PSMD14: variants seen among roughly 807,000 people sequenced by gnomAD.
The protein encoded by PSMD14 is ubiquitin C-terminal hydrolase PSMD14.
A neutral mutation model predicts 41.2 loss-of-function variants in PSMD14; 7 were observed. The ratio of observed to expected loss-of-function variants is 0.17; its 90% CI spans 0.10 to 0.32. The LOEUF (loss-of-function observed/expected upper bound fraction) is 0.32. Ranked by LOEUF, PSMD14 falls within the 10% of genes least tolerant of loss-of-function variation. The pLI is 1.00. For synonymous variants in PSMD14, 114 were observed against 122.3 expected, an observed-to-expected ratio of 0.93 and a Z score of 0.45; for missense variants, 139 against 375.6, an observed-to-expected ratio of 0.37 and a Z score of 5.21.
intron 3 of PSMD14, among the ~76,000 whole-genome samples, chr2:161,352,384 T>A (rs542086506): frequency 1.3e-5 from 2 of 152,336 alleles, no homozygotes; most frequent in South Asian, 4.1e-4. Context: ...CATTCATTGC[T>A]TATTTACTTT....
intron 10 of PSMD14, among the ~76,000 whole-genome samples, chr2:161,399,169 A>G (rs1207234076): frequency 6.6e-6 from 1 of 152,134 alleles, no homozygotes; most frequent in Non-Finnish European, 1.5e-5. Context: ...TTTGTAAATA[A>G]ATTGGGACAT....
At chr2:161,364,702 A>T (rs1683335694) in intron 3 of PSMD14, among the ~76,000 whole-genome samples, 1 of 152,124 alleles carries the variant, frequency 6.6e-6, no homozygotes, top group Admixed American at 6.5e-5. Context: ...ATGGTGTATT[A>T]TATGCGATTT....
intron 3 of PSMD14, among the ~76,000 whole-genome samples, chr2:161,357,914 T>C: frequency 6.6e-6 from 1 of 151,896 alleles, no homozygotes; most frequent in Middle Eastern, 3.2e-3. Flanking sequence ...TTTTTTTTTT[T>C]TAATGGTGGT....
intron 8 of PSMD14, among the ~76,000 whole-genome samples, chr2:161,389,892 T>TTTTTTTTTG (rs1683688179): frequency 2.2e-4 from 1 of 4,470 alleles, no homozygotes; most frequent in African/African-American, 5.3e-4. Flanking sequence ...TTTTGTTGTT[T>TTTTTTTTTG]TTTTTTTTTT....
At chr2:161,402,165 T>C (rs1394877855) in intron 10 of PSMD14, among the ~76,000 whole-genome samples, 1 of 152,218 alleles carries the variant, frequency 6.6e-6, no homozygotes, top group African/African-American at 2.4e-5. Context: ...TACCTCTTAA[T>C]TGGTTTGCTT....
At chr2:161,401,028 T>G (rs1466490090) in intron 10 of PSMD14, among the ~76,000 whole-genome samples, 3 of 152,232 alleles carry the variant, frequency 2.0e-5, no homozygotes, top group Non-Finnish European at 4.4e-5. Flanking sequence ...AAAGTTGAAT[T>G]GCTTGATATG....
chr2:161,311,295 C>G (rs974251143), intron 1 of PSMD14, among the ~76,000 whole-genome samples: 1 of 151,464 alleles, frequency 6.6e-6, no homozygotes, highest in African/African-American at 2.4e-5. Flanking sequence ...GGCAACAGAG[C>G]GAGACTCTGT....
At chr2:161,386,905 A>G (rs1449048929) in intron 8 of PSMD14, among the ~76,000 whole-genome samples, 3 of 151,946 alleles carry the variant, frequency 2.0e-5, no homozygotes, top group East Asian at 1.9e-4. Flanking sequence ...TTAAAAATCG[A>G]CTGTAATCAA....
At chr2:161,383,635 A>G (rs748326191) in intron 7 of PSMD14, 2 of 151,578 alleles carry the variant, frequency 1.3e-5, no homozygotes, top group Non-Finnish European at 3.0e-5. Context: ...TTGTTGTGAT[A>G]TATAATGAAA....
At chr2:161,355,242 A>G (rs1349834513) in intron 3 of PSMD14, among the ~76,000 whole-genome samples, 3 of 152,086 alleles carry the variant, frequency 2.0e-5, no homozygotes, top group African/African-American at 7.2e-5. Flanking sequence ...TTATGTCTTT[A>G]TTGTCATGTT....
intron 3 of PSMD14, among the ~76,000 whole-genome samples, chr2:161,361,350 C>T (rs1039601840): frequency 1.3e-5 from 2 of 152,092 alleles, no homozygotes; most frequent in Non-Finnish European, 2.9e-5. Flanking sequence ...ATATAGATAA[C>T]CTGAATTTAT....
chr2:161,325,487 A>G (rs1682681833), intron 3 of PSMD14, among the ~76,000 whole-genome samples: 1 of 152,200 alleles, frequency 6.6e-6, no homozygotes, highest in South Asian at 2.1e-4. Flanking sequence ...TGTTTGGTAG[A>G]GAAGTTTAAT....
chr2:161,354,372 A>G (rs184902582), intron 3 of PSMD14, among the ~76,000 whole-genome samples: 11 of 152,160 alleles, frequency 7.2e-5, no homozygotes, highest in Admixed American at 2.6e-4. Context: ...GAGCCCTCCA[A>G]GTGGCTGAGA....
chr2:161,313,181 T>TGTA (rs1330357222), intron 1 of PSMD14, among the ~76,000 whole-genome samples: 1 of 152,188 alleles, frequency 6.6e-6, no homozygotes, highest in Non-Finnish European at 1.5e-5. Context: ...GCACTCTGAC[T>TGTA]GTAGAGTCAT....
At chr2:161,327,768 C>T (rs1025437132) in intron 3 of PSMD14, among the ~76,000 whole-genome samples, 1 of 151,736 alleles carries the variant, frequency 6.6e-6, no homozygotes, top group African/African-American at 2.4e-5. Flanking sequence ...AAAAGATGAC[C>T]TCATTTAACA....
chr2:161,400,647 G>A (rs1323190828), intron 10 of PSMD14, among the ~76,000 whole-genome samples: 2 of 152,108 alleles, frequency 1.3e-5, no homozygotes, highest in Admixed American at 6.6e-5. Context: ...TCCACCTCTT[G>A]GGCTCAAGCA....
intron 3 of PSMD14, among the ~76,000 whole-genome samples, chr2:161,332,715 T>G (rs569173586): frequency 1.3e-5 from 2 of 152,354 alleles, no homozygotes; most frequent in East Asian, 3.9e-4. Context: ...ACTGATCCCA[T>G]TTATGAATTC....
chr2:161,337,861 A>G (rs1260624436), intron 3 of PSMD14, among the ~76,000 whole-genome samples: 1 of 152,180 alleles, frequency 6.6e-6, no homozygotes, highest in Admixed American at 6.5e-5. Flanking sequence ...TTTAATTTAT[A>G]TACATTTATT....
chr2:161,372,630 CTTT>C (rs141518366), intron 7 of PSMD14, among the ~76,000 whole-genome samples: 1 of 151,530 alleles, frequency 6.6e-6, no homozygotes, highest in African/African-American at 2.4e-5. Flanking sequence ...AATTTATTTA[CTTT>C]TTTTTAACTA....
Sources: gnomAD v4.1 joint callset for allele counts (sites outside exome capture counted in the v4.1 genomes callset) on GRCh38, gnomAD v4.1.1 for gene constraint, MANE v1.5 for transcripts, NCBI Gene and HGNC (gene_info 2026-07-23, HGNC 2026-07-21) for gene names.